The following PFN1 variants were observed in gnomAD, a reference collection of about 807,000 sequenced individuals.
The protein encoded by PFN1 is profilin 1.
Under a neutral mutation model 11.7 loss-of-function variants are expected in PFN1, and 2 were observed. The ratio of observed to expected loss-of-function variants is 0.17; its 90% CI spans 0.07 to 0.54. The LOEUF is 0.54. PFN1 is among the 20% of genes least tolerant of loss of function. The pLI, the probability that PFN1 is intolerant of heterozygous loss-of-function variation, is 0.94. For missense variants in PFN1, 97 were observed against 188.4 expected, an observed-to-expected ratio of 0.51 and a Z score of 2.84; for synonymous variants, 78 against 76.2, an observed-to-expected ratio of 1.02 and a Z score of -0.12.
At chr17:4,946,922 C>T in intron 1 of PFN1, 102 bp from the exon 2 acceptor site, 1 of 954,744 alleles carries the variant, frequency 1.0e-6, no homozygotes, top group Non-Finnish European at 1.6e-6. Context: ...AACCACCCCG[C>T]CGTGGGGGCT....
At chr17:4,946,973 A>C in intron 1 of PFN1, 153 bp from the exon 2 acceptor site, 1 of 541,078 alleles carries the variant, frequency 1.8e-6, no homozygotes, top group Non-Finnish European at 3.2e-6. Context: ...ATGAACTGTG[A>C]GAAACTCTGA....
At chr17:4,946,147 A>C in intron 2 of PFN1, 150 bp from the exon 3 acceptor site, 1 of 593,942 alleles carries the variant, frequency 1.7e-6, no homozygotes, top group Non-Finnish European at 3.0e-6. Flanking sequence ...GCAGGCTGTC[A>C]GTCACCCTGA....
chr17:4,947,820 G>A (rs560570082), intron 1 of PFN1, among the ~76,000 whole-genome samples: 2 of 152,310 alleles, frequency 1.3e-5, no homozygotes, highest in Admixed American at 6.5e-5. Flanking sequence ...ACGCGCCTGG[G>A]GCTCCCTTCC....
At chr17:4,948,186 G>A (rs1971448735) in intron 1 of PFN1, 77 bp downstream of exon 1, 3 of 1,480,750 alleles carry the variant, frequency 2.0e-6, no homozygotes, top group Non-Finnish European at 1.8e-6. Context: ...GCCCTAGACC[G>A]CGCCCGCCCC....
At position 4,946,253 on chromosome 17, in the gene PFN1, C is replaced by G. The variant is rs376281419; in HGVS notation, c.326-256G>C. ...GTCAAAGGCTCATAGACTGTTGATT[C>G]ATGTGTTCAGGCTAGAAAGGGCTGT... On this transcript the variant is annotated intron_variant, in intron 2 of 2. Coordinates refer to ENST00000225655, the MANE Select transcript of PFN1 (RefSeq NM_005022.4). 2.0e-4 allele frequency among the ~76,000 whole-genome samples: 31 copies of G among 152,268 alleles called. No individual in the cohort carries two copies. The South Asian group carries it at 6.0e-3, about 30-fold the overall frequency.
intron 1 of PFN1, chr17:4,947,473 T>C (rs1597688856): frequency 2.5e-5 from 1 of 39,328 alleles, no homozygotes; most frequent in Non-Finnish European, 4.9e-5. Context: ...AGCCCCCACA[T>C]CCGGTCCCCT....
intron 1 of PFN1, chr17:4,947,114 A>G (rs1178597565): frequency 3.0e-5 from 6 of 201,742 alleles, no homozygotes; most frequent in Non-Finnish European, 5.9e-5. Context: ...AACCCAGGAA[A>G]TAAAGGGAGT....
chr17:4,946,752 C>T lies in PFN1; in HGVS notation c.201G>A (p.Gly67=), dbSNP rs1447140261. ...CCCGGATCACCGAACATTTCTGGCC[C>T]CCAAGTGTCAGCCCATTCACGTAAA... The part of the protein sequence containing the change: ...SSFYVNGLTL[G]GQKCSVIRDS... The change falls in exon 2 of 3, where the codon GGG becomes GGA. Residue 67 remains glycine, a synonymous_variant. Coordinates refer to ENST00000225655, the MANE Select transcript of PFN1 (RefSeq NM_005022.4). 1 of 1,613,972 alleles carries T rather than the reference C, an allele frequency of 6.2e-7. No individual in the cohort carries two copies. The highest frequency in any genetic ancestry group is 1.3e-5 in the African/African-American group (1 of 74,916).
chr17:4,945,827 T>C lies in PFN1; in HGVS notation c.*73A>G. On this transcript the variant is annotated 3_prime_UTR_variant, in exon 3 of 3. Transcript: ENST00000225655. Reference sequence around the variant, plus strand: ...TGGGGTAATGGCCCAAAAAATAAAATGGTTTGTGTGTGTATGGGGAGGAAA... The same window carrying C: ...TGGGGTAATGGCCCAAAAAATAAAACGGTTTGTGTGTGTATGGGGAGGAAA... 9.8e-7 allele frequency: 1 copy of C among 1,016,244 alleles called. No individual in the cohort carries two copies. The highest frequency in any genetic ancestry group is 1.6e-6 in the Non-Finnish European group (1 of 642,140). 63.0% of individuals were successfully genotyped at this position (1,016,244 alleles called of 1,614,324 possible). A position where few individuals can be genotyped will look rare whatever the true frequency, so the allele number is the denominator to read the frequency against.
intron 2 of PFN1, 30 bp downstream of exon 2, chr17:4,946,598 C>T: frequency 6.4e-7 from 1 of 1,554,196 alleles, no homozygotes; most frequent in Non-Finnish European, 8.7e-7. Flanking sequence ...GATCTTGGAG[C>T]TAAAGGAAGG....
At position 4,945,691 on chromosome 17, in the gene PFN1, CA is replaced by C. The variant is rs1355201383; in HGVS notation, c.*208del. On this transcript the variant is annotated 3_prime_UTR_variant, in exon 3 of 3. Coordinates refer to ENST00000225655, the MANE Select transcript of PFN1 (RefSeq NM_005022.4). Reference sequence around the variant, plus strand: ...TTTTTTATTCAGAAAAAAAAAACCCCAAAAAACAAAAGTTTTCCAACCACAC... The same window carrying C: ...TTTTTTATTCAGAAAAAAAAAACCCCAAAAACAAAAGTTTTCCAACCACAC... 2 of 466,678 alleles carry C rather than the reference CA, an allele frequency of 4.3e-6. No homozygotes were observed. Among genetic ancestry groups the C allele is most frequent in the Non-Finnish European group, 7.7e-6 (2 of 258,746 alleles). The allele number at this position is 466,678 out of a possible 1,614,324, so 28.9% of individuals were successfully genotyped here. A position where few individuals can be genotyped will look rare whatever the true frequency, so the allele number is the denominator to read the frequency against.
chr17:4,947,335 A>C (rs1044036202), intron 1 of PFN1: 1 of 152,112 alleles, frequency 6.6e-6, no homozygotes, highest in Non-Finnish European at 1.5e-5. Context: ...TGAGATGAGG[A>C]AGCAGACCCC....
chr17:4,946,696 A>G lies in PFN1; in HGVS notation c.257T>C (p.Met86Thr), dbSNP rs1185316296. The G allele has an allele frequency of 6.2e-7, 1 of 1,614,180 alleles. No individual in the cohort carries two copies. The highest frequency in any genetic ancestry group is 8.5e-7 in the Non-Finnish European group (1 of 1,180,010). Residue 86 changes from methionine to threonine, a missense_variant, in exon 2 of 3, where the codon ATG becomes ACG. Met to Thr is a moderately conservative substitution (Grantham distance 81). Coordinates refer to ENST00000225655, the MANE Select transcript of PFN1 (RefSeq NM_005022.4). ...DSLLQDGEFS[M>T]DLRTKSTGGA... ...ACCGGTGCTCTTGGTACGAAGATCC[A>G]TGCTAAATTCCCCATCCTGCAGCAG...
In PFN1 at chr17:4,947,053, G is replaced by A. The variant is rs1015447734; in HGVS notation, c.133-233C>T. The A allele has an allele frequency of 1.6e-5, 7 of 437,860 alleles. 1 individual carries two copies. The Admixed American group carries it at 2.1e-4, about 13-fold the overall frequency. 27.1% of individuals were successfully genotyped at this position (437,860 alleles called of 1,614,324 possible). ...TTAGAATATGGAACCAGGGAGGAAG[G>A]GATGACATACTCCTCTAGAGATTTA... On this transcript the variant is annotated intron_variant, in intron 1 of 2. Transcript: ENST00000225655.
chr17:4,945,682 A>C lies in PFN1; in HGVS notation c.*218T>G. On this transcript the variant is annotated 3_prime_UTR_variant, in exon 3 of 3. Transcript: ENST00000225655. Reference sequence around the variant, plus strand: ...AGTAGAATCTTTTTTATTCAGAAAAAAAAAACCCCAAAAAACAAAAGTTTT... The same window carrying C: ...AGTAGAATCTTTTTTATTCAGAAAACAAAAACCCCAAAAAACAAAAGTTTT... 2.2e-6 allele frequency: 1 copy of C among 464,332 alleles called. No individual in the cohort carries two copies. The highest frequency in any genetic ancestry group is 3.9e-6 in the Non-Finnish European group (1 of 257,310). The allele number at this position is 464,332 out of a possible 1,614,324, so 28.8% of individuals were successfully genotyped here. A position where few individuals can be genotyped will look rare whatever the true frequency, so the allele number is the denominator to read the frequency against.
intron 2 of PFN1, 122 bp downstream of exon 2, chr17:4,946,506 C>G: frequency 1.4e-6 from 1 of 725,654 alleles, no homozygotes; most frequent in Non-Finnish European, 2.3e-6. Flanking sequence ...AGACAAGGAA[C>G]ACAATACTGG....
chr17:4,946,987 CTG>C (rs1971411724), intron 1 of PFN1, 167 bp from the exon 2 acceptor site: 2 of 502,794 alleles, frequency 4.0e-6, no homozygotes, highest in East Asian at 6.7e-5. Context: ...ACTCTGAGGA[CTG>C]TGGGACGTTA....
chr17:4,946,672 C>G lies in PFN1; in HGVS notation c.281G>C (p.Gly94Ala). The change falls in exon 2 of 3, where the codon GGT becomes GCT. Residue 94 changes from glycine (G) to alanine (A), a missense_variant. Coordinates refer to ENST00000225655, the MANE Select transcript of PFN1 (RefSeq NM_005022.4). ...FSMDLRTKST[G>A]GAPTFNVTVT... ...AGTGACATTGAAGGTGGGGGCCCCA[C>G]CGGTGCTCTTGGTACGAAGATCCAT... 2 of 1,613,964 alleles carry G rather than the reference C, an allele frequency of 1.2e-6. No individual in the cohort carries two copies. Among genetic ancestry groups the G allele is most frequent in the South Asian group, 2.2e-5 (2 of 91,034 alleles).
chr17:4,946,257 T>G (rs1971390294), intron 2 of PFN1, among the ~76,000 whole-genome samples: 3 of 152,210 alleles, frequency 2.0e-5, no homozygotes, highest in African/African-American at 7.2e-5. Context: ...TTGATTCATG[T>G]GTTCAGGCTA....
Sources: gnomAD v4.1 joint callset for allele counts (sites outside exome capture counted in the v4.1 genomes callset) on GRCh38, gnomAD v4.1.1 for gene constraint, MANE v1.5 for transcripts, NCBI Gene and HGNC (gene_info 2026-07-23, HGNC 2026-07-21) for gene names.